The following PCDH7 variants were observed in gnomAD, a reference collection of about 807,000 sequenced individuals.
PCDH7 encodes the protein protocadherin-7.
PCDH7 carries 17 observed loss-of-function variants against 58.9 expected under a neutral mutation model. The observed-to-expected ratio is 0.29, with a 90% confidence interval of 0.20 to 0.43. The LOEUF (loss-of-function observed/expected upper bound fraction) is 0.43, where lower values mean the gene tolerates loss of function less well. PCDH7 is among the 20% of genes least tolerant of loss of function. PCDH7 has a pLI of 1.00. For missense variants in PCDH7, 1,274 were observed against 1,441.0 expected, an observed-to-expected ratio of 0.88 and a Z score of 1.88; for synonymous variants, 664 against 616.4, an observed-to-expected ratio of 1.08 and a Z score of -1.14.
intron 1 of PCDH7, among the ~76,000 whole-genome samples, chr4:30,901,809 A>C (rs1224547596): frequency 1.3e-5 from 2 of 152,162 alleles, no homozygotes; most frequent in African/African-American, 2.4e-5. Flanking sequence ...GTATAGTTCA[A>C]GTTCTACCGA....
intron 1 of PCDH7, 45 bp downstream of exon 1, chr4:30,724,641 A>C (rs1479651932): frequency 5.0e-6 from 8 of 1,593,516 alleles, no homozygotes; most frequent in Non-Finnish European, 6.9e-6. Context: ...GGGAGGGCTA[A>C]TAACTCTGAG....
chr4:31,122,010 A>T (rs1470515592), intron 3 of PCDH7, among the ~76,000 whole-genome samples: 4 of 149,478 alleles, frequency 2.7e-5, no homozygotes, highest in African/African-American at 7.4e-5. Context: ...CGGAGATTTT[A>T]TTTTTTTTTT....
chr4:30,771,503 G>T (rs973340932), intron 1 of PCDH7, among the ~76,000 whole-genome samples: 15 of 152,190 alleles, frequency 9.9e-5, no homozygotes, highest in African/African-American at 3.6e-4. Context: ...GGGGTTAGAA[G>T]TTGGTCAGTT....
downstream of PCDH7, among the ~76,000 whole-genome samples, chr4:30,736,649 C>T (rs1302527427): frequency 6.6e-6 from 1 of 151,468 alleles, no homozygotes; most frequent in African/African-American, 2.4e-5. Context: ...CATTCTCCTG[C>T]CTCAGCCTCC....
chr4:30,839,006 A>G (rs553636023), intron 1 of PCDH7, among the ~76,000 whole-genome samples: 2 of 152,108 alleles, frequency 1.3e-5, no homozygotes, highest in South Asian at 4.1e-4. Context: ...GCAGAGACTG[A>G]GTAAAATCAA....
At chr4:30,869,970 G>A (rs1040545278) in intron 1 of PCDH7, among the ~76,000 whole-genome samples, 13 of 152,128 alleles carry the variant, frequency 8.5e-5, no homozygotes, top group African/African-American at 1.2e-4. Context: ...TTTAACGATC[G>A]CCATTCTAAC....
At chr4:30,869,179 T>G (rs1009891145) in intron 1 of PCDH7, 9 of 152,004 alleles carry the variant, frequency 5.9e-5, no homozygotes, top group African/African-American at 2.2e-4. Context: ...CATTAGGACT[T>G]CATGTAAAAA....
At chr4:31,012,894 C>T (rs1421908948) in intron 3 of PCDH7, among the ~76,000 whole-genome samples, 1 of 150,312 alleles carries the variant, frequency 6.7e-6, no homozygotes, top group East Asian at 2.2e-4. Flanking sequence ...GCTGTGGTCC[C>T]AGATACTCTA....
chr4:30,750,571 C>A (rs976382243), intron 1 of PCDH7, among the ~76,000 whole-genome samples: 5 of 152,078 alleles, frequency 3.3e-5, no homozygotes, highest in African/African-American at 1.2e-4. Flanking sequence ...ACCCTGGGTG[C>A]AAATTTGGAG....
chr4:31,129,577 A>T (rs373673008), intron 3 of PCDH7, among the ~76,000 whole-genome samples: 2 of 152,262 alleles, frequency 1.3e-5, no homozygotes, highest in East Asian at 3.9e-4. Context: ...CAGACTTGTT[A>T]TTCTACTTAC....
chr4:31,040,325 T>C (rs1308854250), intron 3 of PCDH7, among the ~76,000 whole-genome samples: 1 of 152,206 alleles, frequency 6.6e-6, no homozygotes, highest in African/African-American at 2.4e-5. Context: ...CATCTTTTAG[T>C]GTTGACATTT....
chr4:30,927,237 T>C (rs1265664370), intron 2 of PCDH7, among the ~76,000 whole-genome samples: 3 of 152,208 alleles, frequency 2.0e-5, no homozygotes, highest in African/African-American at 7.2e-5. Flanking sequence ...TGAATTCTTT[T>C]TGCTTATAGA....
chr4:30,820,819 C>T (rs978885768), intron 1 of PCDH7, among the ~76,000 whole-genome samples: 5 of 151,764 alleles, frequency 3.3e-5, no homozygotes, highest in East Asian at 1.9e-4. Context: ...ACTTTATTAG[C>T]GATGACACAT....
At chr4:30,895,891 C>T (rs1179861895) in intron 1 of PCDH7, among the ~76,000 whole-genome samples, 1 of 152,186 alleles carries the variant, frequency 6.6e-6, no homozygotes, top group Non-Finnish European at 1.5e-5. Flanking sequence ...AAGATATATG[C>T]TTTCTCCAAT....
intron 3 of PCDH7, among the ~76,000 whole-genome samples, chr4:31,104,291 GTT>G (rs1715268079): frequency 6.6e-6 from 1 of 152,064 alleles, no homozygotes; most frequent in Admixed American, 6.6e-5. Context: ...ACTGTGTGAG[GTT>G]TTGAGTAAAT....
chr4:30,846,673 G>A (rs1732007589), intron 1 of PCDH7, among the ~76,000 whole-genome samples: 2 of 152,080 alleles, frequency 1.3e-5, no homozygotes, highest in African/African-American at 4.8e-5. Context: ...AGTATTTCCA[G>A]ACATTGTCAA....
chr4:31,140,357 G>A (rs1290356701), intron 3 of PCDH7, among the ~76,000 whole-genome samples: 1 of 152,040 alleles, frequency 6.6e-6, no homozygotes, highest in Non-Finnish European at 1.5e-5. Context: ...GAGATGATTG[G>A]AGACAATTCA....
intron 1 of PCDH7, among the ~76,000 whole-genome samples, chr4:30,856,706 AAAT>A (rs199795803): frequency 3.4e-4 from 49 of 145,638 alleles, no homozygotes; most frequent in East Asian, 3.4e-3. Flanking sequence ...AAAAAAAAAA[AAAT>A]ATATATATAT....
Position 31,018,269 on chromosome 4 carries a change from A to G in PCDH7, c.*7+68054A>G, listed in dbSNP as rs577730116. Among the ~76,000 whole-genome samples, 4 of 152,302 alleles carry G rather than the reference A, an allele frequency of 2.6e-5. No individual in the cohort carries two copies. In the East Asian group the frequency reaches 7.7e-4, roughly 29 times the overall value. ...TTTTTAGTTCAGCTGAATCACTAAA[A>G]GGAAATATTCACCAATGTAACTTGG... On this transcript the variant is annotated intron_variant, in intron 3 of 3. Transcript: ENST00000509759.
Sources: allele counts gnomAD v4.1 joint callset (sites outside exome capture counted in the v4.1 genomes callset), GRCh38; gene constraint gnomAD v4.1.1; transcripts MANE v1.5; gene names NCBI Gene and HGNC (gene_info 2026-07-23, HGNC 2026-07-21).